The following LDHB variants were observed in gnomAD, a reference collection of about 807,000 sequenced individuals.
The protein encoded by LDHB is L-lactate dehydrogenase B chain.
Under a neutral mutation model 33.4 loss-of-function variants are expected in LDHB, and 18 were observed. That is an observed-to-expected ratio of 0.54 (90% CI 0.37 to 0.80). The LOEUF (loss-of-function observed/expected upper bound fraction) is 0.80. LDHB is among the 30% of genes least tolerant of loss of function. The pLI is 0.00. For missense variants in LDHB, 345 were observed against 407.9 expected (o/e 0.85, Z 1.33); for synonymous variants, 121 against 140.6 (o/e 0.86, Z 0.98).
Position 21,641,939 on chromosome 12 carries a change from T to G in LDHB, c.595+13A>C. On this transcript the variant is annotated intron_variant, in intron 5 of 7. Coordinates refer to ENST00000350669, the MANE Select transcript of LDHB (RefSeq NM_002300.8). ...CAACATCACAAGTAATTATTTCTTT[T>G]TTTTTTCTTTACCACTTGAGTCGCC... is the stretch of plus-strand genomic sequence containing the variant. The G allele has an allele frequency of 6.2e-7, 1 of 1,603,100 alleles. No homozygotes were observed. Among genetic ancestry groups the G allele is most frequent in the Non-Finnish European group, 8.5e-7 (1 of 1,175,270 alleles).
intron 3 of LDHB, among the ~76,000 whole-genome samples, chr12:21,645,860 C>T (rs894306475): frequency 3.3e-5 from 5 of 152,162 alleles, no homozygotes; most frequent in African/African-American, 1.2e-4. Context: ...GTCTCCGTGT[C>T]TCTTTTCTCC....
At chr12:21,656,536 GGAAGCAGTGGAAAATGAAAATGAA>G (rs1228441755) in intron 1 of LDHB, among the ~76,000 whole-genome samples, 1 of 152,168 alleles carries the variant, frequency 6.6e-6, no homozygotes, top group Non-Finnish European at 1.5e-5. Flanking sequence ...AGGGGGCCCA[GGAAGCAGTGGAAAATGAAAATGAA>G]GAAACAGTGG....
intron 1 of LDHB, 52 bp from the exon 2 acceptor site, chr12:21,654,729 A>G: frequency 2.8e-6 from 4 of 1,440,408 alleles, no homozygotes; most frequent in Non-Finnish European, 3.9e-6. Context: ...TGAAATCCAA[A>G]TAGAAATCAT....
rs750796196 is a variant in LDHB at position 21,638,516 on chromosome 12, A to G, written c.596-46T>C. The G allele has an allele frequency of 3.9e-6, 5 of 1,284,392 alleles. No homozygotes were observed. In the Admixed American group the frequency reaches 6.9e-5, roughly 18 times the overall value. The allele number at this position is 1,284,392 out of a possible 1,614,324, so 79.6% of individuals were successfully genotyped here. ...AGACATTGCAGTTATTTCTTACATT[A>G]TTTTAAAAAATATTTTCTTCTTTTA... On this transcript the variant is annotated intron_variant, in intron 5 of 7. Transcript: ENST00000350669.
At position 21,654,694 on chromosome 12, in the gene LDHB, A is replaced by G. The variant is rs774360161; in HGVS notation, c.-6-17T>C. Reference sequence around the variant, plus strand: ...CATTTTGCACTGCAAGGAAAGAATCAAAACATTACACGTATATCTGCATAT... The same window carrying G: ...CATTTTGCACTGCAAGGAAAGAATCGAAACATTACACGTATATCTGCATAT... On this transcript the variant is annotated splice_polypyrimidine_tract_variant and intron_variant, in intron 1 of 7. Transcript: ENST00000350669. 6 of 1,600,670 alleles carry G rather than the reference A, an allele frequency of 3.7e-6. No individual in the cohort carries two copies. Among genetic ancestry groups the G allele is most frequent in the Non-Finnish European group, 5.1e-6 (6 of 1,167,628 alleles).
chr12:21,650,894 A>C (rs1488435327), intron 2 of LDHB, among the ~76,000 whole-genome samples: 2 of 152,260 alleles, frequency 1.3e-5, no homozygotes, highest in Non-Finnish European at 2.9e-5. Flanking sequence ...CTCTGAAGGT[A>C]GAAGTGCTCT....
At chr12:21,636,116 T>C (rs1938209921) in intron 7 of LDHB, among the ~76,000 whole-genome samples, 1 of 152,110 alleles carries the variant, frequency 6.6e-6, no homozygotes, top group Non-Finnish European at 1.5e-5. Flanking sequence ...TATACGTATT[T>C]TATTGAACAC....
At position 21,657,787 on chromosome 12, in the gene LDHB, C is replaced by T. The variant is rs1938904444; in HGVS notation, c.-43G>A. On this transcript the variant is annotated 5_prime_UTR_variant, in exon 1 of 8. Transcript: ENST00000350669. ...AGGCTCTGGAGACCTCTGTAACAGT[C>T]GTGCGGAGAAGACAAAGTCAGCTGC... 1.3e-5 allele frequency: 2 copies of T among 152,352 alleles called. No individual in the cohort carries two copies. Among genetic ancestry groups the T allele is most frequent in the South Asian group, 4.1e-4 (2 of 4,834 alleles). 9.4% of individuals were successfully genotyped at this position (152,352 alleles called of 1,614,324 possible). A position where few individuals can be genotyped will look rare whatever the true frequency, so the allele number is the denominator to read the frequency against.
chr12:21,644,163 T>C, intron 3 of LDHB, 55 bp from the exon 4 acceptor site: 2 of 1,270,142 alleles, frequency 1.6e-6, no homozygotes, highest in Middle Eastern at 1.9e-4. Context: ...CATTATAACA[T>C]AACCTATATG....
At chr12:21,649,949 G>A (rs952991954) in intron 2 of LDHB, among the ~76,000 whole-genome samples, 6 of 151,980 alleles carry the variant, frequency 3.9e-5, no homozygotes, top group Middle Eastern at 3.4e-3. Flanking sequence ...AAAATTAGCC[G>A]GGCATGGTGG....
rs1938414103 is a variant in LDHB, at chr12:21,643,001, C to T, written c.422-876G>A. On this transcript the variant is annotated intron_variant, in intron 4 of 7. Transcript: ENST00000350669. ...ACAGGATGCAGTAACTTACTATGTG[C>T]TAGCTACTTGTCATTCCTATTCTAC... is the stretch of plus-strand genomic sequence containing the variant. Among the ~76,000 whole-genome samples the T allele has an allele frequency of 2.6e-5, 4 of 152,308 alleles. No homozygotes were observed. The South Asian group carries it at 8.3e-4, about 32-fold the overall frequency.
chr12:21,650,813 A>G (rs1042530621), intron 2 of LDHB, among the ~76,000 whole-genome samples: 1 of 152,226 alleles, frequency 6.6e-6, no homozygotes, highest in Admixed American at 6.5e-5. Context: ...TACAGTTACG[A>G]TAAAGTCTCT....
intron 2 of LDHB, among the ~76,000 whole-genome samples, chr12:21,652,458 C>T (rs1938717871): frequency 1.3e-5 from 2 of 152,188 alleles, no homozygotes. Flanking sequence ...GAACATGGCA[C>T]ATACTCAATG....
chr12:21,647,399 C>A (rs1223162819), intron 2 of LDHB, among the ~76,000 whole-genome samples: 1 of 151,994 alleles, frequency 6.6e-6, no homozygotes, highest in Non-Finnish European at 1.5e-5. Context: ...CTTAAATCAC[C>A]AGGAGTGTGA....
At chr12:21,646,351 G>C (rs919379453) in intron 3 of LDHB, among the ~76,000 whole-genome samples, 1 of 152,216 alleles carries the variant, frequency 6.6e-6, no homozygotes, top group African/African-American at 2.4e-5. Flanking sequence ...AAGATAACTA[G>C]TGTGGCAGTG....
At chr12:21,654,852 G>A (rs1466058715) in intron 1 of LDHB, among the ~76,000 whole-genome samples, 175 bp from the exon 2 acceptor site, 2 of 152,212 alleles carry the variant, frequency 1.3e-5, no homozygotes, top group Non-Finnish European at 2.9e-5. Context: ...GCTGGGCATG[G>A]TGGCTCATGC....
At chr12:21,645,393 G>C (rs1181028798) in intron 3 of LDHB, among the ~76,000 whole-genome samples, 3 of 152,180 alleles carry the variant, frequency 2.0e-5, no homozygotes, top group African/African-American at 7.2e-5. Context: ...TAAAGGGTCT[G>C]TGCCGAGGAG....
intron 3 of LDHB, 45 bp downstream of exon 3, chr12:21,646,854 C>T: frequency 9.1e-7 from 1 of 1,099,564 alleles, no homozygotes; most frequent in Non-Finnish European, 1.4e-6. Context: ...TGTTTTGGGG[C>T]CATGAAAAAA....
chr12:21,652,359 C>A (rs1650310), intron 2 of LDHB, among the ~76,000 whole-genome samples: 143,922 of 152,304 alleles, frequency 0.94, 68,510 homozygotes, highest in East Asian at 1. Flanking sequence ...TGTGGACAGG[C>A]TCTTTAAGCA....
Sources: allele counts gnomAD v4.1 joint callset (sites outside exome capture counted in the v4.1 genomes callset), GRCh38; gene constraint gnomAD v4.1.1; transcripts MANE v1.5; gene names NCBI Gene and HGNC (gene_info 2026-07-23, HGNC 2026-07-21).